SLC9C2: variants seen among roughly 807,000 people sequenced by gnomAD.
SLC9C2 encodes the protein sodium/hydrogen exchanger 11.
Under a neutral mutation model 140.2 loss-of-function variants are expected in SLC9C2, and 75 were observed. That is an observed-to-expected ratio of 0.53 (90% CI 0.44 to 0.65). The LOEUF (loss-of-function observed/expected upper bound fraction) is 0.65, where lower values mean the gene tolerates loss of function less well. Ranked by LOEUF, SLC9C2 falls within the 30% of genes least tolerant of loss-of-function variation. SLC9C2 has a pLI of 0.00. For missense variants in SLC9C2, 1,074 were observed against 1,331.8 expected, an observed-to-expected ratio of 0.81 and a Z score of 3.01; for synonymous variants, 375 against 420.9, an observed-to-expected ratio of 0.89 and a Z score of 1.34.
intron 13 of SLC9C2, among the ~76,000 whole-genome samples, chr1:173,542,009 C>A (rs1417563843): frequency 1.3e-5 from 2 of 152,040 alleles, no homozygotes; most frequent in Non-Finnish European, 2.9e-5. Context: ...TAACTAAGAT[C>A]AGAGCAGAAC....
intron 7 of SLC9C2, among the ~76,000 whole-genome samples, chr1:173,578,054 T>C (rs76944282): frequency 6.6e-6 from 1 of 152,226 alleles, no homozygotes; most frequent in South Asian, 2.1e-4. Flanking sequence ...GGGGATGCAT[T>C]GTTTGTAGAC....
intron 22 of SLC9C2, among the ~76,000 whole-genome samples, chr1:173,519,956 C>T (rs1470190439): frequency 6.6e-6 from 1 of 152,106 alleles, no homozygotes. Flanking sequence ...CAACACCAGC[C>T]TAGGGAAATC....
chr1:173,574,211 T>C (rs921534405), intron 8 of SLC9C2, among the ~76,000 whole-genome samples: 4 of 152,176 alleles, frequency 2.6e-5, no homozygotes, highest in Non-Finnish European at 4.4e-5. Context: ...TTCAGCTGAC[T>C]GGGTAAGTGC....
At chr1:173,517,118 G>A (rs1223597053) in intron 23 of SLC9C2, among the ~76,000 whole-genome samples, 2 of 152,074 alleles carry the variant, frequency 1.3e-5, no homozygotes, top group Non-Finnish European at 2.9e-5. Flanking sequence ...GTCTTCTTTT[G>A]AAAAGTATCT....
chr1:173,554,741 C>G lies in SLC9C2; in HGVS notation c.1289G>C (p.Arg430Thr). Residue 430 changes from arginine (R) to threonine (T), a missense_variant, in exon 11 of 28, where the codon AGG (arginine) becomes ACG (threonine). By Grantham distance (71) the Arg-to-Thr change is moderately conservative. Coordinates refer to ENST00000367714, the MANE Select transcript of SLC9C2 (RefSeq NM_178527.4). ...TGAGACACATACTTTACCTAACTTC[C>G]TGGCTGACTGAGTCATCACGTATGA... is the stretch of plus-strand genomic sequence containing the variant. ...INSYVMTQSA[R>T]KLDLCVLSLP... 3.1e-6 allele frequency: 5 copies of G among 1,603,224 alleles called. No homozygotes were observed. Among genetic ancestry groups the G allele is most frequent in the Non-Finnish European group, 4.3e-6 (5 of 1,170,204 alleles).
intron 21 of SLC9C2, among the ~76,000 whole-genome samples, chr1:173,523,623 C>T (rs964471871): frequency 1.3e-5 from 2 of 152,152 alleles, no homozygotes; most frequent in Non-Finnish European, 2.9e-5. Flanking sequence ...CACTATCTGC[C>T]CGGTCTGTGC....
chr1:173,573,823 A>T (rs1664991654), intron 8 of SLC9C2, among the ~76,000 whole-genome samples: 1 of 152,146 alleles, frequency 6.6e-6, no homozygotes, highest in African/African-American at 2.4e-5. Context: ...TTTCCTGTCT[A>T]CTGAATTCCT....
intron 18 of SLC9C2, among the ~76,000 whole-genome samples, chr1:173,527,493 CAAAT>C (rs1211661897): frequency 5.3e-5 from 8 of 152,186 alleles, no homozygotes; most frequent in African/African-American, 1.9e-4. Flanking sequence ...ATATTTCTAA[CAAAT>C]AACTCCTTAG....
At position 173,509,584 on chromosome 1, in the gene SLC9C2, G is replaced by T; in HGVS notation, c.3023C>A (p.Ser1008Ter). The T allele has an allele frequency of 6.4e-7, 1 of 1,567,124 alleles. No individual in the cohort carries two copies. Among genetic ancestry groups the T allele is most frequent in the South Asian group, 1.2e-5 (1 of 82,648 alleles). Residue 1008 changes from serine (S) to a stop codon, truncating the protein, a stop_gained, in exon 24 of 28, where the codon TCA becomes TAA. Transcript: ENST00000367714. LOFTEE classifies it high-confidence loss of function. ...ATAACTTACCTCATCAATAAGACTT[G>T]ATTCAAAATACTGATAGGCAGTACT... ...ALSTAYQYFE[S>*]SLIDEDLRFQ... is the part of the protein sequence containing the mutation.
At chr1:173,520,178 ATGTC>A (rs1660711385) in intron 22 of SLC9C2, among the ~76,000 whole-genome samples, 1 of 152,000 alleles carries the variant, frequency 6.6e-6, no homozygotes, top group Non-Finnish European at 1.5e-5. Flanking sequence ...TCGGATTCTC[ATGTC>A]TCAGCCTCCT....
intron 13 of SLC9C2, among the ~76,000 whole-genome samples, chr1:173,543,067 T>C (rs1662562169): frequency 6.6e-6 from 1 of 152,166 alleles, no homozygotes; most frequent in South Asian, 2.1e-4. Flanking sequence ...GGAAGTCAAA[T>C]TGTCCCTGTT....
chr1:173,512,133 GGGCTCTTTTTT>G (rs1289512505), intron 23 of SLC9C2, among the ~76,000 whole-genome samples: 1 of 152,040 alleles, frequency 6.6e-6, no homozygotes. Context: ...TTGTCTATGT[GGGCTCTTTTTT>G]GGTTCCATAT....
chr1:173,563,147 T>C (rs1367992120), intron 9 of SLC9C2, among the ~76,000 whole-genome samples: 1 of 151,446 alleles, frequency 6.6e-6, no homozygotes, highest in South Asian at 2.1e-4. Context: ...AACAAGTATC[T>C]GAGGAACTTT....
intron 18 of SLC9C2, 118 bp from the exon 19 acceptor site, chr1:173,526,832 T>A (rs966472727): frequency 2.8e-6 from 2 of 715,522 alleles, no homozygotes; most frequent in African/African-American, 3.5e-5. Flanking sequence ...ATACCAAGTA[T>A]AGTTCTGGCT....
In SLC9C2 at chr1:173,536,857, A is replaced by T. The variant is rs12137789; in HGVS notation, c.1655+85T>A. ...ATGTGAAATAATAGATTGATCAATC[A>T]GGACATTTAATTCTCATTTTATTCA... On this transcript the variant is annotated intron_variant, in intron 14 of 27. Transcript: ENST00000367714. The T allele has an allele frequency of 2.6e-4, 243 of 937,328 alleles. 1 individual carries two copies. Among genetic ancestry groups the T allele is most frequent in the Non-Finnish European group, 3.6e-4 (208 of 584,630 alleles). The allele number at this position is 937,328 out of a possible 1,614,324, so 58.1% of individuals were successfully genotyped here.
At chr1:173,504,459 T>A (rs1659492038) in intron 26 of SLC9C2, among the ~76,000 whole-genome samples, 1 of 152,138 alleles carries the variant, frequency 6.6e-6, no homozygotes, top group African/African-American at 2.4e-5. Flanking sequence ...GCACACAATT[T>A]GAAATCGTGC....
At chr1:173,586,512 A>C (rs547757956) in intron 5 of SLC9C2, among the ~76,000 whole-genome samples, 4 of 152,314 alleles carry the variant, frequency 2.6e-5, no homozygotes, top group African/African-American at 9.6e-5. Context: ...CGTTTGACCC[A>C]GCAATCCCAT....
intron 5 of SLC9C2, among the ~76,000 whole-genome samples, chr1:173,587,038 A>G (rs1558092724): frequency 1.3e-5 from 2 of 152,124 alleles, no homozygotes; most frequent in African/African-American, 4.8e-5. Flanking sequence ...CAAAGAAAAA[A>G]AAAACCTGAC....
chr1:173,510,784 G>T (rs1486313789), intron 23 of SLC9C2, among the ~76,000 whole-genome samples: 2 of 152,048 alleles, frequency 1.3e-5, no homozygotes, highest in Non-Finnish European at 2.9e-5. Flanking sequence ...TGAATAGTGT[G>T]GCAATAAACA....
Sources: gnomAD v4.1 joint callset for allele counts (sites outside exome capture counted in the v4.1 genomes callset) on GRCh38, gnomAD v4.1.1 for gene constraint, MANE v1.5 for transcripts, NCBI Gene and HGNC (gene_info 2026-07-23, HGNC 2026-07-21) for gene names.